The following TMEM123 variants were observed in gnomAD, a reference collection of about 807,000 sequenced individuals.
The protein encoded by TMEM123 is porimin.
A neutral mutation model predicts 19.7 loss-of-function variants in TMEM123; 16 were observed. That is an observed-to-expected ratio of 0.81 (90% CI 0.55 to 1.23). The LOEUF (loss-of-function observed/expected upper bound fraction) is 1.23. Among genes scored for constraint, TMEM123 ranks in the 50% most tolerant of loss-of-function variants. TMEM123 has a pLI of 0.00. For missense variants in TMEM123, 313 were observed against 257.8 expected (o/e 1.21, Z -1.47); for synonymous variants, 118 against 99.4 (o/e 1.19, Z -1.12).
chr11:102,446,136 A>G (rs1016436204), intron 2 of TMEM123, among the ~76,000 whole-genome samples: 1 of 152,220 alleles, frequency 6.6e-6, no homozygotes, highest in African/African-American at 2.4e-5. Context: ...TGTGCACTCC[A>G]ATCTAGACCA....
chr11:102,398,970 G>C (rs1366918818), intron 4 of TMEM123, 79 bp from the exon 5 acceptor site: 1 of 1,313,806 alleles, frequency 7.6e-7, no homozygotes. Flanking sequence ...TGTTAGTAAA[G>C]TAGGATTAGA....
At chr11:102,430,966 G>A (rs910175810) in intron 2 of TMEM123, among the ~76,000 whole-genome samples, 3 of 152,130 alleles carry the variant, frequency 2.0e-5, no homozygotes, top group African/African-American at 7.2e-5. Context: ...TCAATGTGGG[G>A]TGAAAAAAGT....
intron 4 of TMEM123, among the ~76,000 whole-genome samples, chr11:102,400,045 T>G (rs1372503994): frequency 6.6e-6 from 1 of 152,254 alleles, no homozygotes; most frequent in Non-Finnish European, 1.5e-5. Flanking sequence ...GATCCAATTT[T>G]CATTTATGAT....
chr11:102,438,742 C>T (rs563171443), intron 2 of TMEM123, among the ~76,000 whole-genome samples: 12 of 152,286 alleles, frequency 7.9e-5, no homozygotes, highest in South Asian at 2.1e-4. Context: ...TGGGGCTTGT[C>T]GGACAGTGGC....
At chr11:102,434,332 C>T (rs983114933) in intron 2 of TMEM123, among the ~76,000 whole-genome samples, 4 of 151,848 alleles carry the variant, frequency 2.6e-5, no homozygotes, top group Non-Finnish European at 5.9e-5. Flanking sequence ...TTGCATTTCC[C>T]TAATGATTCT....
At chr11:102,402,824 CA>C (rs1951924905) in intron 2 of TMEM123, among the ~76,000 whole-genome samples, 1 of 152,184 alleles carries the variant, frequency 6.6e-6, no homozygotes, top group Non-Finnish European at 1.5e-5. Context: ...GTTGGAAGGA[CA>C]GTTCTAAAAC....
Position 102,401,603 on chromosome 11 carries a change from A to C in TMEM123, c.538T>G (p.Leu180Val). 6.2e-7 allele frequency: 1 copy of C among 1,605,406 alleles called. No individual in the cohort carries two copies. The highest frequency in any genetic ancestry group is 8.5e-7 in the Non-Finnish European group (1 of 1,177,952). The part of the protein sequence containing the change: ...VGGIVLTLGV[L>V]SILYIGCKMY... Reference sequence around the variant, plus strand: ...TTGCATCCAATGTAAAGAATAGATAAAACTCCCAGCGTTAATACAATACCA... The same window carrying C: ...TTGCATCCAATGTAAAGAATAGATACAACTCCCAGCGTTAATACAATACCA... Residue 180 changes from leucine to valine, a missense_variant, in exon 4 of 5, where the codon TTA (leucine) becomes GTA (valine). Transcript: ENST00000398136.
intron 2 of TMEM123, among the ~76,000 whole-genome samples, chr11:102,435,553 T>G (rs756320788): frequency 1.3e-5 from 2 of 151,976 alleles, no homozygotes; most frequent in African/African-American, 4.8e-5. Context: ...AGTTACCATA[T>G]GACCTAGCAA....
intron 2 of TMEM123, among the ~76,000 whole-genome samples, chr11:102,412,754 T>C (rs1368350184): frequency 2.0e-5 from 3 of 152,098 alleles, no homozygotes; most frequent in Admixed American, 2.0e-4. Context: ...CAAAATACGA[T>C]AGACCTGATG....
chr11:102,428,016 G>A (rs78322888), intron 2 of TMEM123, among the ~76,000 whole-genome samples: 74 of 151,974 alleles, frequency 4.9e-4, no homozygotes, highest in African/African-American at 1.7e-3. Context: ...TAAACTTGCT[G>A]GAAGGAAAAA....
rs1238071205 is a variant in TMEM123 at position 102,397,652 on chromosome 11, T to C, written c.*1215A>G. 1.3e-5 allele frequency: 2 copies of C among 152,202 alleles called. No individual in the cohort carries two copies. Among genetic ancestry groups the C allele is most frequent in the African/African-American group, 4.8e-5 (2 of 41,454 alleles). The allele number at this position is 152,202 out of a possible 1,614,324, so 9.4% of individuals were successfully genotyped here. ...ATCAGGAAGGAGGAAATGTCCTCTC[T>C]AAAAATTCCTCTCAAAACTTTCTAA... On this transcript the variant is annotated 3_prime_UTR_variant, in exon 5 of 5. Coordinates refer to ENST00000398136, the MANE Select transcript of TMEM123 (RefSeq NM_052932.3).
At chr11:102,435,965 A>G (rs1280153547) in intron 2 of TMEM123, among the ~76,000 whole-genome samples, 11 of 151,826 alleles carry the variant, frequency 7.2e-5, no homozygotes, top group Admixed American at 6.6e-4. Context: ...ATGGTTAAAC[A>G]TACCTGTGAA....
chr11:102,446,437 T>C (rs945643556), intron 2 of TMEM123, among the ~76,000 whole-genome samples: 1 of 152,212 alleles, frequency 6.6e-6, no homozygotes, highest in East Asian at 1.9e-4. Flanking sequence ...TTTATTCCTA[T>C]TGACTTCAAG....
chr11:102,411,312 A>G (rs1175718631), intron 2 of TMEM123, among the ~76,000 whole-genome samples: 1 of 152,196 alleles, frequency 6.6e-6, no homozygotes, highest in African/African-American at 2.4e-5. Context: ...GTGTTCCCAG[A>G]GAGCGTATCG....
At chr11:102,432,401 C>T (rs770615720) in intron 2 of TMEM123, among the ~76,000 whole-genome samples, 1 of 152,202 alleles carries the variant, frequency 6.6e-6, no homozygotes, top group Non-Finnish European at 1.5e-5. Flanking sequence ...AAAGGTCACT[C>T]TTGCTATGCT....
chr11:102,431,657 T>G lies in TMEM123; in HGVS notation c.157+17155A>C, dbSNP rs574581894. Among the ~76,000 whole-genome samples, 3 of 152,180 alleles carry G rather than the reference T, an allele frequency of 2.0e-5. No homozygotes were observed. The East Asian group carries it at 5.8e-4, about 29-fold the overall frequency. On this transcript the variant is annotated intron_variant, in intron 2 of 4. Transcript: ENST00000398136. ...TTTTTTAAAGCTGAATAGTATTCCA[T>G]TGTGTGTATATGTATCACATGTGCT...
At position 102,402,108 on chromosome 11, in the gene TMEM123, C is replaced by A. The variant is rs11547915; in HGVS notation, c.256G>T (p.Val86Phe). Residue 86 changes from valine to phenylalanine, a missense_variant, in exon 3 of 5, where the codon GTC becomes TTC. Physicochemically the swap from Val to Phe is conservative, Grantham distance 50. Transcript: ENST00000398136. ...SVASDSSNTT[V>F]TTMKPTAASN... Reference sequence around the variant, plus strand: ...GCCGCTGTAGGTTTCATGGTGGTGACCGTTGTATTACTGGAGTCTGAGGCA... The same window carrying A: ...GCCGCTGTAGGTTTCATGGTGGTGAACGTTGTATTACTGGAGTCTGAGGCA... The A allele has an allele frequency of 0.062, 99,602 of 1,613,896 alleles. 3,589 individuals are homozygous for A. Among genetic ancestry groups the A allele is most frequent in the Non-Finnish European group, 0.074 (87,641 of 1,179,964 alleles).
chr11:102,432,310 T>C (rs1857719855), intron 2 of TMEM123, among the ~76,000 whole-genome samples: 1 of 152,172 alleles, frequency 6.6e-6, no homozygotes, highest in Admixed American at 6.5e-5. Context: ...TTGACCAAAA[T>C]GCTGATAGTG....
intron 2 of TMEM123, among the ~76,000 whole-genome samples, chr11:102,438,525 A>G (rs1857789300): frequency 6.6e-6 from 1 of 152,208 alleles, no homozygotes; most frequent in Non-Finnish European, 1.5e-5. Context: ...CCAAACTAAC[A>G]GCTGTTCACT....
Sources: allele counts gnomAD v4.1 joint callset (sites outside exome capture counted in the v4.1 genomes callset), GRCh38; gene constraint gnomAD v4.1.1; transcripts MANE v1.5; gene names NCBI Gene and HGNC (gene_info 2026-07-23, HGNC 2026-07-21).